Variants in UNC5C observed in about 807,000 individuals in gnomAD.
UNC5C encodes the protein netrin receptor UNC5C.
UNC5C carries 47 observed loss-of-function variants against 99.8 expected under a neutral mutation model. That is an observed-to-expected ratio of 0.47 (90% CI 0.37 to 0.60). The LOEUF (loss-of-function observed/expected upper bound fraction) is 0.60. Ranked by LOEUF, UNC5C falls within the 20% of genes least tolerant of loss-of-function variation. UNC5C has a pLI of 0.00. For synonymous variants in UNC5C, 487 were observed against 452.2 expected (o/e 1.08, Z -0.98); for missense variants, 1,062 against 1,165.9 (o/e 0.91, Z 1.30).
At chr4:95,330,784 CTGTGGGCAT>C (rs1166142141) in intron 2 of UNC5C, among the ~76,000 whole-genome samples, 2 of 152,034 alleles carry the variant, frequency 1.3e-5, no homozygotes, top group Non-Finnish European at 2.9e-5. Flanking sequence ...ATAATGGTAT[CTGTGGGCAT>C]CTTTGCCTTT....
chr4:95,302,399 A>T (rs1741912705), intron 2 of UNC5C, among the ~76,000 whole-genome samples: 1 of 152,264 alleles, frequency 6.6e-6, no homozygotes, highest in African/African-American at 2.4e-5. Flanking sequence ...AAAATGCTCA[A>T]ATAATTGGAA....
At chr4:95,301,302 T>G (rs993804583) in intron 3 of UNC5C, among the ~76,000 whole-genome samples, 1 of 151,080 alleles carries the variant, frequency 6.6e-6, no homozygotes, top group African/African-American at 2.4e-5. Context: ...TTCAGGCCAT[T>G]CTCCTGCCTC....
At chr4:95,215,143 G>A (rs1402814387) in intron 10 of UNC5C, among the ~76,000 whole-genome samples, 2 of 152,174 alleles carry the variant, frequency 1.3e-5, no homozygotes, top group Non-Finnish European at 2.9e-5. Flanking sequence ...TGAAGAACAA[G>A]GCTAAAAATG....
In UNC5C at chr4:95,323,067, A is replaced by C. The variant is rs890938404; in HGVS notation, c.346+12343T>G. ...AAGTACAAATAACAGAAATGAGGAC[A>C]TATTTACCTATGACTTGGGTTTGTA... is the stretch of plus-strand genomic sequence containing the variant. On this transcript the variant is annotated intron_variant, in intron 2 of 15. Transcript: ENST00000453304. Among the ~76,000 whole-genome samples the C allele has an allele frequency of 2.0e-5, 3 of 152,206 alleles. No homozygotes were observed. The South Asian group carries it at 6.2e-4, about 32-fold the overall frequency.
At chr4:95,279,124 A>C (rs1740963907) in intron 3 of UNC5C, among the ~76,000 whole-genome samples, 1 of 152,148 alleles carries the variant, frequency 6.6e-6, no homozygotes, top group African/African-American at 2.4e-5. Flanking sequence ...TTAATACTCT[A>C]AGTGAGTTTC....
In UNC5C at chr4:95,335,601, G is replaced by A. The variant is rs755367266; in HGVS notation, c.155C>T (p.Thr52Ile). 19 of 1,608,566 alleles carry A rather than the reference G, an allele frequency of 1.2e-5. No individual in the cohort carries two copies. In the Admixed American group the frequency reaches 2.9e-4, roughly 25 times the overall value. Residue 52 changes from threonine (T) to isoleucine (I), a missense_variant, in exon 2 of 16, where the codon ACT becomes ATT. Physicochemically the swap from Thr to Ile is moderately conservative, Grantham distance 89. Around this residue, in one of 3 missense-constraint regions of UNC5C, gnomAD observed 249 missense variants for 295.1 expected, o/e 0.84. Coordinates refer to ENST00000453304, the MANE Select transcript of UNC5C (RefSeq NM_003728.4). ...AGGCTCAGGTGGATCAGAAGGAAAA[G>A]TTTCTGGGAGTTCATGAAAAAAGTC... ...DDDFFHELPE[T>I]FPSDPPEPLP...
intron 3 of UNC5C, among the ~76,000 whole-genome samples, chr4:95,296,858 A>G (rs1042595813): frequency 3.9e-5 from 6 of 152,280 alleles, no homozygotes; most frequent in African/African-American, 1.4e-4. Context: ...CTTTATAATT[A>G]ATAAAAAATC....
At chr4:95,215,483 T>G (rs1170212824) in intron 10 of UNC5C, among the ~76,000 whole-genome samples, 3 of 152,064 alleles carry the variant, frequency 2.0e-5, no homozygotes, top group Admixed American at 6.6e-5. Flanking sequence ...GACTTCTCAA[T>G]GCCTCTTGTT....
intron 3 of UNC5C, among the ~76,000 whole-genome samples, chr4:95,293,477 T>C (rs985335323): frequency 1.3e-5 from 2 of 150,976 alleles, no homozygotes; most frequent in Admixed American, 6.6e-5. Context: ...ACCACCACAC[T>C]TGGTTAATTT....
intron 1 of UNC5C, among the ~76,000 whole-genome samples, chr4:95,462,988 A>G (rs940484021): frequency 3.3e-5 from 5 of 152,182 alleles, no homozygotes; most frequent in African/African-American, 1.2e-4. Flanking sequence ...CTTTTAAACA[A>G]GGAAACCTGG....
intron 10 of UNC5C, among the ~76,000 whole-genome samples, chr4:95,213,364 G>C (rs1738140009): frequency 6.6e-6 from 1 of 152,240 alleles, no homozygotes; most frequent in Non-Finnish European, 1.5e-5. Flanking sequence ...TGTGGAAATT[G>C]TATCCACCAG....
intron 12 of UNC5C, among the ~76,000 whole-genome samples, chr4:95,188,541 C>T (rs1373068270): frequency 1.3e-5 from 2 of 152,184 alleles, no homozygotes; most frequent in South Asian, 4.1e-4. Flanking sequence ...TCTTGTGTTA[C>T]CATTTTAAGT....
intron 1 of UNC5C, among the ~76,000 whole-genome samples, chr4:95,411,256 G>A (rs758770220): frequency 3.3e-5 from 5 of 151,956 alleles, no homozygotes; most frequent in Non-Finnish European, 5.9e-5. Flanking sequence ...CTTTATTAGA[G>A]GAACAAGATT....
chr4:95,533,287 G>A (rs1278600284), intron 1 of UNC5C, among the ~76,000 whole-genome samples: 6 of 151,754 alleles, frequency 4.0e-5, no homozygotes, highest in Admixed American at 2.0e-4. Flanking sequence ...TAATGCCAGC[G>A]ACTTGGGAGG....
intron 3 of UNC5C, among the ~76,000 whole-genome samples, chr4:95,288,164 ACT>A (rs902311197): frequency 3.3e-5 from 5 of 150,420 alleles, no homozygotes; most frequent in African/African-American, 4.9e-5. Flanking sequence ...CTCACTGAAA[ACT>A]CTGCCTCCTG....
intron 12 of UNC5C, among the ~76,000 whole-genome samples, chr4:95,201,800 T>G (rs1041868773): frequency 3.9e-5 from 6 of 152,114 alleles, no homozygotes; most frequent in African/African-American, 1.4e-4. Context: ...GAGACGGGGT[T>G]TCACCGTGTT....
In UNC5C at chr4:95,185,169, C is replaced by T. The variant is rs2149351648; in HGVS notation, c.2164G>A (p.Gly722Arg). 6.2e-7 allele frequency: 1 copy of T among 1,612,412 alleles called. No individual in the cohort carries two copies. The highest frequency in any genetic ancestry group is 8.5e-7 in the Non-Finnish European group (1 of 1,179,514). Residue 722 changes from glycine to arginine, a missense_variant, in exon 13 of 16, where the codon GGA becomes AGA. Gly to Arg is a moderately radical substitution (Grantham distance 125). This residue lies in a region of UNC5C where 810 missense variants were observed against 854.5 expected (regional missense o/e 0.95). Transcript: ENST00000453304. ...TTAGGTTCTTCTAGGAGCTGTCCTCCCATCTGTCTCTCAAGATGTAAAATT... is the reference window on the plus strand; with the variant it reads ...TTAGGTTCTTCTAGGAGCTGTCCTCTCATCTGTCTCTCAAGATGTAAAATT... ...KEILHLERQM[G>R]GQLLEEPKAL...
intron 1 of UNC5C, among the ~76,000 whole-genome samples, chr4:95,457,544 C>T (rs1182528217): frequency 6.6e-6 from 1 of 152,060 alleles, no homozygotes; most frequent in Admixed American, 6.6e-5. Context: ...CACGGCTGAA[C>T]GGCTTCTGGT....
chr4:95,464,424 A>C (rs1747707963), intron 1 of UNC5C, among the ~76,000 whole-genome samples: 1 of 152,160 alleles, frequency 6.6e-6, no homozygotes, highest in Non-Finnish European at 1.5e-5. Flanking sequence ...TGATTAGAGA[A>C]GTTTCCAAGC....
Sources: allele counts gnomAD v4.1 joint callset (sites outside exome capture counted in the v4.1 genomes callset), GRCh38; gene constraint gnomAD v4.1.1; regional missense constraint gnomAD v4.1.1; transcripts MANE v1.5; gene names NCBI Gene and HGNC (gene_info 2026-07-23, HGNC 2026-07-21).